Variants in GEMIN7 observed in about 807,000 individuals in gnomAD.
GEMIN7 encodes the protein gem nuclear organelle associated protein 7, also known as gem-associated protein 7.
In GEMIN7, 7 loss-of-function variants were observed where a neutral mutation model predicts 7.8. That is an observed-to-expected ratio of 0.90 (90% CI 0.51 to 1.69). The LOEUF is 1.69. Among genes scored for constraint, GEMIN7 ranks in the 40% most tolerant of loss-of-function variants. GEMIN7 has a pLI of 0.00. For synonymous variants in GEMIN7, 68 were observed against 72.4 expected (o/e 0.94, Z 0.31); for missense variants, 159 against 176.2 (o/e 0.90, Z 0.55).
chr19:45,080,964 G>C (rs10427048), intron 2 of GEMIN7, among the ~76,000 whole-genome samples: 82,592 of 151,648 alleles, frequency 0.54, 23,085 homozygotes, highest in African/African-American at 0.63. Flanking sequence ...GACCCTGGGG[G>C]CTGGTGAGGC....
upstream of GEMIN7, chr19:45,076,395 A>AGCGG (rs1427974832): frequency 4.8e-6 from 6 of 1,249,986 alleles, no homozygotes; most frequent in African/African-American, 7.7e-5. The surrounding 1 kb of genome is among the most constrained non-coding windows in gnomAD (Gnocchi z 4.9). Flanking sequence ...CGGGCGAGCG[A>AGCGG]GCGGGCGGGC....
intron 2 of GEMIN7, among the ~76,000 whole-genome samples, chr19:45,086,861 T>TTTG (rs1423005128): frequency 5.8e-5 from 8 of 137,190 alleles, no homozygotes; most frequent in African/African-American, 1.8e-4. Context: ...TTGTTTGTTT[T>TTTG]TTTCGAGATG....
chr19:45,088,058 G>C (rs925208839), intron 2 of GEMIN7, among the ~76,000 whole-genome samples: 16 of 149,304 alleles, frequency 1.1e-4, no homozygotes, highest in African/African-American at 1.5e-4. Context: ...TGACTCTCCT[G>C]CCTCGGCCTC....
chr19:45,083,612 T>G (rs1024620243), intron 2 of GEMIN7, among the ~76,000 whole-genome samples: 2 of 145,870 alleles, frequency 1.4e-5, no homozygotes, highest in Non-Finnish European at 3.0e-5. Context: ...TTTTTTTTTT[T>G]TTTTGTTTGA....
At chr19:45,088,253 A>G (rs982568783) in intron 2 of GEMIN7, among the ~76,000 whole-genome samples, 1 of 151,504 alleles carries the variant, frequency 6.6e-6, no homozygotes, top group Non-Finnish European at 1.5e-5. Flanking sequence ...GCCTTATACA[A>G]TTTTTTTCTC....
At chr19:45,080,801 G>A (rs891015497) in intron 2 of GEMIN7, among the ~76,000 whole-genome samples, 1 of 139,810 alleles carries the variant, frequency 7.2e-6, no homozygotes, top group African/African-American at 2.9e-5. Context: ...AGAAAACAAG[G>A]CCCTATACTG....
chr19:45,080,758 GTTTT>G (rs199542404), intron 2 of GEMIN7, among the ~76,000 whole-genome samples: 1 of 121,334 alleles, frequency 8.2e-6, no homozygotes. Context: ...AATCTCCCTT[GTTTT>G]TTGTTTTTTT....
upstream of GEMIN7, chr19:45,075,882 G>A (rs1568426872): frequency 6.2e-7 from 1 of 1,613,070 alleles, no homozygotes; most frequent in Non-Finnish European, 8.5e-7. Context: ...GGAAGCGGGT[G>A]GTGAGCGTGG....
chr19:45,087,979 T>G (rs562297120), intron 2 of GEMIN7, among the ~76,000 whole-genome samples: 77,516 of 139,558 alleles, frequency 0.56, 22,719 homozygotes, highest in African/African-American at 0.68. Flanking sequence ...AGAGTCTTGC[T>G]CTGTCGCCCA....
At chr19:45,085,928 C>T (rs1406256879) in intron 2 of GEMIN7, among the ~76,000 whole-genome samples, 7 of 126,632 alleles carry the variant, frequency 5.5e-5, no homozygotes, top group Admixed American at 4.9e-4. Context: ...AGTGCAGTGG[C>T]GTGGTCTCGG....
At chr19:45,087,145 A>T (rs776503586) in intron 2 of GEMIN7, among the ~76,000 whole-genome samples, 115 of 146,154 alleles carry the variant, frequency 7.9e-4, no homozygotes, top group Non-Finnish European at 1.5e-3. Context: ...GCGCCCAGCC[A>T]ATGTTTGTTT....
At chr19:45,085,351 T>C (rs1967645634) in intron 2 of GEMIN7, 1 of 152,198 alleles carries the variant, frequency 6.6e-6, no homozygotes, top group Admixed American at 6.5e-5. Context: ...AAAAACTGTA[T>C]TGAGATGCAA....
rs549005908 is a variant in GEMIN7, at chr19:45,090,484, A to G, written c.370A>G (p.Ile124Val). 1.4e-5 allele frequency: 23 copies of G among 1,611,230 alleles called. No individual in the cohort carries two copies. The East Asian group carries it at 4.9e-4, about 34-fold the overall frequency. The change falls in exon 3 of 3, where the codon ATT (isoleucine) becomes GTT (valine). Residue 124 changes from isoleucine (I) to valine (V), a missense_variant. By Grantham distance (29) the Ile-to-Val change is conservative. Transcript: ENST00000270257. ...AGAGGCGCTGCTCCGATGTAGTGAC[A>G]TTATTTCATATACCTTCAAGCCATA... is the stretch of plus-strand genomic sequence containing the variant. Reference protein sequence around the residue: ...QAEALLRCSDIISYTFKP With the variant: ...QAEALLRCSDVISYTFKP
intron 2 of GEMIN7, among the ~76,000 whole-genome samples, chr19:45,084,546 G>C (rs1040240396): frequency 6.6e-6 from 1 of 151,978 alleles, no homozygotes; most frequent in Admixed American, 6.6e-5. Flanking sequence ...GGGATTACAG[G>C]TGTGTGCCAC....
intron 2 of GEMIN7, among the ~76,000 whole-genome samples, chr19:45,083,982 G>A (rs546777476): frequency 1.5e-4 from 22 of 151,220 alleles, no homozygotes; most frequent in Non-Finnish European, 2.8e-4. Flanking sequence ...AGGCCAAGGC[G>A]GGTGGATCAC....
At position 45,090,958 on chromosome 19, in the gene GEMIN7, G is replaced by A. The variant is rs1967876598; in HGVS notation, c.*448G>A. 1 of 178,976 alleles carries A rather than the reference G, an allele frequency of 5.6e-6. No homozygotes were observed. Among genetic ancestry groups the A allele is most frequent in the African/African-American group, 2.4e-5 (1 of 41,584 alleles). 11.1% of individuals were successfully genotyped at this position (178,976 alleles called of 1,614,324 possible). On this transcript the variant is annotated 3_prime_UTR_variant, in exon 3 of 3. Coordinates refer to ENST00000270257, the MANE Select transcript of GEMIN7 (RefSeq NM_024707.3). ...TTCTTTAATTAACTATACCGACGGG[G>A]ATGGAGTCATCTTTAGGGGCTGGTA... is the stretch of plus-strand genomic sequence containing the variant.
chr19:45,079,749 G>A (rs1374770553), intron 1 of GEMIN7, among the ~76,000 whole-genome samples, 158 bp from the exon 2 acceptor site: 3 of 152,172 alleles, frequency 2.0e-5, no homozygotes, highest in Non-Finnish European at 2.9e-5. Context: ...AAACTGACCG[G>A]CCCCAGGGGA....
At chr19:45,087,403 A>G (rs780278584) in intron 2 of GEMIN7, among the ~76,000 whole-genome samples, 3 of 151,848 alleles carry the variant, frequency 2.0e-5, no homozygotes, top group Non-Finnish European at 2.9e-5. Context: ...CTCAGCCCCT[A>G]AAGTGCTAGG....
rs892932176 is a variant in GEMIN7, at chr19:45,079,271, C to G, written c.-238C>G. On this transcript the variant is annotated 5_prime_UTR_variant, in exon 1 of 3. Coordinates refer to ENST00000270257, the MANE Select transcript of GEMIN7 (RefSeq NM_024707.3). The stretch of plus-strand genomic sequence containing the variant: ...GCGGAAGTGGGGACACCAGTAGCCG[C>G]GGACCTCGGTGAGTACAAGGTGGTG... 1.3e-5 allele frequency: 2 copies of G among 152,334 alleles called. No homozygotes were observed. Among genetic ancestry groups the G allele is most frequent in the Non-Finnish European group, 2.9e-5 (2 of 68,136 alleles). 9.4% of individuals were successfully genotyped at this position (152,334 alleles called of 1,614,324 possible).
Sources: allele counts gnomAD v4.1 joint callset (sites outside exome capture counted in the v4.1 genomes callset), GRCh38; gene constraint gnomAD v4.1.1; non-coding constraint Gnocchi (gnomAD v3.1); transcripts MANE v1.5; gene names NCBI Gene and HGNC (gene_info 2026-07-23, HGNC 2026-07-21).